The following ITGA9 variants were observed in gnomAD, a reference collection of about 807,000 sequenced individuals.
The protein encoded by ITGA9 is integrin alpha-9.
A neutral mutation model predicts 127.8 loss-of-function variants in ITGA9; 56 were observed. The ratio of observed to expected loss-of-function variants is 0.44; its 90% CI spans 0.35 to 0.55. The LOEUF (loss-of-function observed/expected upper bound fraction) is 0.55, where lower values mean the gene tolerates loss of function less well. Ranked by LOEUF, ITGA9 falls within the 20% of genes least tolerant of loss-of-function variation. ITGA9 has a pLI of 0.00. For synonymous variants in ITGA9, 508 were observed against 514.5 expected (o/e 0.99, Z 0.17); for missense variants, 1,196 against 1,347.1 (o/e 0.89, Z 1.76).
chr3:37,684,987 A>G (rs1700768521), intron 18 of ITGA9, among the ~76,000 whole-genome samples: 1 of 152,166 alleles, frequency 6.6e-6, no homozygotes, highest in African/African-American at 2.4e-5. Flanking sequence ...CAAGTGGACA[A>G]AAGTCGACTC....
chr3:37,508,591 C>T lies in ITGA9; in HGVS notation c.861C>T (p.Gly287=), dbSNP rs896677487. Residue 287 remains glycine, a synonymous_variant, in exon 8 of 28, where the codon GGC becomes GGT. Coordinates refer to ENST00000264741, the MANE Select transcript of ITGA9 (RefSeq NM_002207.3). ...VYIFRADRRS[G]TLIKIFQASG... is the part of the protein sequence containing the mutation. ...TTTTCAGAGCTGACCGAAGATCAGG[C>T]ACCTTAATTAAGATCTTTCAAGCAT... The T allele has an allele frequency of 2.5e-6, 4 of 1,613,566 alleles. No homozygotes were observed. In the South Asian group the frequency reaches 4.4e-5, roughly 18 times the overall value.
intron 4 of ITGA9, among the ~76,000 whole-genome samples, chr3:37,482,351 G>A (rs928579048): frequency 2.0e-5 from 3 of 152,330 alleles, no homozygotes; most frequent in East Asian, 1.9e-4. Flanking sequence ...CCTGGGCATC[G>A]AGGACAGTCA....
At chr3:37,551,333 A>C (rs1250157086) in intron 15 of ITGA9, among the ~76,000 whole-genome samples, 1 of 152,180 alleles carries the variant, frequency 6.6e-6, no homozygotes. Flanking sequence ...CTGAAGACGC[A>C]TGAATTGCTG....
rs548914366 is a variant in ITGA9 at position 37,499,054 on chromosome 3, C to CTA, written c.613-4123_613-4122dup. ...TTTTGGCCTAAGGTGCCTGCTTGAC[C>CTA]TACAGGTCAGTGACCCTGAGCTTAA... On this transcript the variant is annotated intron_variant, in intron 5 of 27. Transcript: ENST00000264741. 2.2e-3 allele frequency among the ~76,000 whole-genome samples: 331 copies of CTA among 152,370 alleles called. 2 individuals are homozygous for CTA. The highest frequency in any genetic ancestry group is 7.7e-3 in the African/African-American group (319 of 41,582).
At chr3:37,614,960 CT>C (rs1700059712) in intron 15 of ITGA9, among the ~76,000 whole-genome samples, 1 of 152,086 alleles carries the variant, frequency 6.6e-6, no homozygotes, top group African/African-American at 2.4e-5. Flanking sequence ...CCTTTATTTC[CT>C]TCTCCTGCCT....
At chr3:37,795,027 C>T (rs758125060) in intron 26 of ITGA9, among the ~76,000 whole-genome samples, 4 of 152,186 alleles carry the variant, frequency 2.6e-5, no homozygotes, top group Admixed American at 6.5e-5. Context: ...CACACCTGCA[C>T]TGGCTATTAG....
intron 16 of ITGA9, among the ~76,000 whole-genome samples, chr3:37,644,647 T>TA (rs1051936740): frequency 2.6e-5 from 4 of 151,880 alleles, no homozygotes; most frequent in Non-Finnish European, 5.9e-5. Flanking sequence ...AGCCATGGAG[T>TA]AAAAAAAACA....
chr3:37,647,980 G>T (rs1001577529), intron 16 of ITGA9, among the ~76,000 whole-genome samples: 3 of 152,122 alleles, frequency 2.0e-5, no homozygotes, highest in East Asian at 3.8e-4. Flanking sequence ...ATGCTGCAAT[G>T]AACATGGAAA....
chr3:37,729,272 T>C (rs1696257305), intron 18 of ITGA9, among the ~76,000 whole-genome samples: 1 of 152,108 alleles, frequency 6.6e-6, no homozygotes, highest in Admixed American at 6.6e-5. Flanking sequence ...TAAACAGCTA[T>C]GTTGGTGCTG....
intron 15 of ITGA9, among the ~76,000 whole-genome samples, chr3:37,614,380 G>C (rs1338821724): frequency 6.6e-6 from 1 of 152,172 alleles, no homozygotes; most frequent in Non-Finnish European, 1.5e-5. Context: ...TTGTAGTATA[G>C]TTTGAAGTCA....
chr3:37,671,103 T>C (rs1700633947), intron 17 of ITGA9, among the ~76,000 whole-genome samples: 1 of 152,268 alleles, frequency 6.6e-6, no homozygotes, highest in African/African-American at 2.4e-5. Flanking sequence ...CTTAGGACAT[T>C]GGACCTCCGA....
chr3:37,601,340 C>G (rs1699920643), intron 15 of ITGA9, among the ~76,000 whole-genome samples: 2 of 152,162 alleles, frequency 1.3e-5, no homozygotes, highest in South Asian at 4.1e-4. Flanking sequence ...AACAGCAAGT[C>G]TCTGGAAAAG....
intron 3 of ITGA9, among the ~76,000 whole-genome samples, chr3:37,477,509 A>G (rs1178741035): frequency 1.3e-5 from 2 of 152,162 alleles, no homozygotes; most frequent in Non-Finnish European, 2.9e-5. Flanking sequence ...TCTCAGCTCC[A>G]TGGACACTGT....
At position 37,475,065 on chromosome 3, in the gene ITGA9, T is replaced by C. The variant is rs144012947; in HGVS notation, c.420+1605T>C. Reference sequence around the variant, plus strand: ...GCACAGGCTCCCTGAGCCCGCTGTTTGCCTTGGTTTCCAGTCCTTTCATCA... The same window carrying C: ...GCACAGGCTCCCTGAGCCCGCTGTTCGCCTTGGTTTCCAGTCCTTTCATCA... On this transcript the variant is annotated intron_variant, in intron 3 of 27. Transcript: ENST00000264741. Among the ~76,000 whole-genome samples the C allele has an allele frequency of 2.6e-4, 40 of 152,360 alleles. 1 individual carries two copies. The East Asian group carries it at 7.3e-3, about 28-fold the overall frequency.
intron 15 of ITGA9, among the ~76,000 whole-genome samples, chr3:37,623,730 T>C (rs1394172915): frequency 1.3e-5 from 2 of 151,442 alleles, no homozygotes; most frequent in Non-Finnish European, 2.9e-5. Flanking sequence ...GCTTTTCGAG[T>C]TGTCCGTGGG....
intron 15 of ITGA9, among the ~76,000 whole-genome samples, chr3:37,594,095 C>T (rs1699846619): frequency 6.6e-6 from 1 of 152,220 alleles, no homozygotes; most frequent in South Asian, 2.1e-4. Context: ...CCAAGGGTGA[C>T]AAGGTTGCCA....
intron 7 of ITGA9, among the ~76,000 whole-genome samples, chr3:37,506,619 A>G (rs1698846493): frequency 6.6e-6 from 1 of 152,180 alleles, no homozygotes; most frequent in Non-Finnish European, 1.5e-5. Flanking sequence ...AAACTATAGT[A>G]TCTGCCAAAA....
At chr3:37,645,524 A>C (rs553430827) in intron 16 of ITGA9, among the ~76,000 whole-genome samples, 2 of 152,300 alleles carry the variant, frequency 1.3e-5, no homozygotes, top group African/African-American at 4.8e-5. Flanking sequence ...AGATCGTGCC[A>C]CTGCACTCCA....
chr3:37,753,497 G>A (rs1472583406), intron 23 of ITGA9, among the ~76,000 whole-genome samples: 1 of 152,184 alleles, frequency 6.6e-6, no homozygotes, highest in Non-Finnish European at 1.5e-5. Flanking sequence ...ATTCCAGATA[G>A]AGGAACAGTC....
Sources: gnomAD v4.1 joint callset for allele counts (sites outside exome capture counted in the v4.1 genomes callset) on GRCh38, gnomAD v4.1.1 for gene constraint, MANE v1.5 for transcripts, NCBI Gene and HGNC (gene_info 2026-07-23, HGNC 2026-07-21) for gene names.